The following MYCBP2 variants were observed in gnomAD, a reference collection of about 807,000 sequenced individuals.
MYCBP2 encodes the protein E3 ubiquitin-protein ligase MYCBP2.
A neutral mutation model predicts 525.3 loss-of-function variants in MYCBP2; 120 were observed. The ratio of observed to expected loss-of-function variants is 0.23; its 90% confidence interval spans 0.20 to 0.27. The LOEUF (loss-of-function observed/expected upper bound fraction) is 0.27. Among genes scored for constraint, MYCBP2 ranks in the 10% least tolerant of loss-of-function variants. MYCBP2 has a pLI of 1.00. For synonymous variants in MYCBP2, 1,894 were observed against 1,955.8 expected (o/e 0.97, Z 0.83); for missense variants, 4,149 against 5,657.1 (o/e 0.73, Z 8.55).
In MYCBP2 at chr13:77,098,846, G is replaced by A. The variant is rs764807808; in HGVS notation, c.8308C>T (p.Leu2770Phe). The A allele has an allele frequency of 6.2e-6, 10 of 1,613,534 alleles. No individual in the cohort carries two copies. The highest frequency in any genetic ancestry group is 2.2e-5 in the South Asian group (2 of 91,078). Residue 2770 changes from leucine (L) to phenylalanine (F), a missense_variant, in exon 56 of 83, where the codon CTC (leucine) becomes TTC (phenylalanine). Transcript: ENST00000544440. ...GTESLSASES[L>F]ILKSDAAKLR... ...TTTGCAGCATCAGATTTTAAGATGA[G>A]GGATTCACTAGCAGATAAACTTTCT...
intron 73 of MYCBP2, among the ~76,000 whole-genome samples, chr13:77,063,487 G>A (rs1194900462): frequency 6.7e-6 from 1 of 148,630 alleles, no homozygotes; most frequent in Non-Finnish European, 1.5e-5. Context: ...TGTACCTGCA[G>A]GCGGAGGCTG....
At chr13:77,261,033 G>T in intron 12 of MYCBP2, 138 bp downstream of exon 12, 1 of 638,320 alleles carries the variant, frequency 1.6e-6, no homozygotes, top group Non-Finnish European at 2.6e-6. Flanking sequence ...TTATTAAGCA[G>T]TTACATCAAG....
intron 57 of MYCBP2, among the ~76,000 whole-genome samples, 188 bp downstream of exon 57, chr13:77,096,124 A>G (rs771084996): frequency 3.9e-5 from 6 of 152,138 alleles, no homozygotes; most frequent in African/African-American, 1.2e-4. Context: ...TCCAATATAT[A>G]GTTAATTTTT....
intron 47 of MYCBP2, among the ~76,000 whole-genome samples, chr13:77,147,341 A>T (rs7987716): frequency 0.028 from 4,320 of 152,192 alleles, 220 homozygotes; most frequent in African/African-American, 0.097. Flanking sequence ...TAATAAAAAA[A>T]TAACAAAATG....
At chr13:77,170,141 G>A (rs370137023) in intron 38 of MYCBP2, among the ~76,000 whole-genome samples, 82 of 152,160 alleles carry the variant, frequency 5.4e-4, no homozygotes, top group African/African-American at 1.8e-3. Flanking sequence ...GTTCACAACA[G>A]TATTCCTCTC....
Position 77,294,131 on chromosome 13 carries a change from C to CATATATATATATATACATAT in MYCBP2, c.378+2467_378+2468insATATGTATATATATATATAT. Among the ~76,000 whole-genome samples, 26 of 65,712 alleles carry CATATATATATATATACATAT rather than the reference C, an allele frequency of 4.0e-4. No individual in the cohort carries two copies. The East Asian group carries it at 9.6e-3, about 24-fold the overall frequency. The allele number at this position is 65,712 out of a possible 152,430, so 43.1% of individuals were successfully genotyped here. A position where few individuals can be genotyped will look rare whatever the true frequency, so the allele number is the denominator to read the frequency against. ...ATATATATATATATATATATATATA[C>CATATATATATATATACATAT]ATATATATATACATATATATAAAAT... On this transcript the variant is annotated intron_variant, in intron 2 of 82. Transcript: ENST00000544440.
intron 55 of MYCBP2, among the ~76,000 whole-genome samples, chr13:77,104,556 A>G (rs2047568667): frequency 6.6e-6 from 1 of 152,130 alleles, no homozygotes. Flanking sequence ...AGAAGAGGCC[A>G]AAGCCCTAGG....
At chr13:77,071,473 G>A (rs536314189) in intron 68 of MYCBP2, among the ~76,000 whole-genome samples, 51 of 152,070 alleles carry the variant, frequency 3.4e-4, no homozygotes, top group South Asian at 1.7e-3. Flanking sequence ...TGTCCCTTTC[G>A]CCCTAACAAT....
chr13:77,169,974 T>C (rs2058982043), intron 38 of MYCBP2, among the ~76,000 whole-genome samples: 1 of 152,174 alleles, frequency 6.6e-6, no homozygotes, highest in African/African-American at 2.4e-5. Context: ...TTTAAGTATC[T>C]TACCCAAAAT....
Position 77,225,520 on chromosome 13 carries a change from G to C in MYCBP2, c.2772C>G (p.Ser924Arg). The C allele has an allele frequency of 6.2e-7, 1 of 1,613,586 alleles. No homozygotes were observed. Among genetic ancestry groups the C allele is most frequent in the Non-Finnish European group, 8.5e-7 (1 of 1,179,642 alleles). ...GSGERGEKDA[S>R]KITTYPPGSV... The stretch of plus-strand genomic sequence containing the variant: ...AGCCTGGAGGGTATGTTGTGATTTT[G>C]CTTGCATCCTTTTCGCCTCTTTCTC... The change falls in exon 19 of 83, where the codon AGC becomes AGG. Residue 924 changes from serine to arginine, a missense_variant. Coordinates refer to ENST00000544440, the MANE Select transcript of MYCBP2 (RefSeq NM_015057.5).
chr13:77,122,069 C>T (rs1205422879), intron 54 of MYCBP2, among the ~76,000 whole-genome samples: 3 of 151,728 alleles, frequency 2.0e-5, no homozygotes, highest in African/African-American at 4.8e-5. Flanking sequence ...TAATCAGAGT[C>T]TATAAATGTA....
At chr13:77,208,994 T>C (rs916516558) in intron 23 of MYCBP2, among the ~76,000 whole-genome samples, 3 of 152,156 alleles carry the variant, frequency 2.0e-5, no homozygotes, top group African/African-American at 2.4e-5. Context: ...GCAATGCATA[T>C]GATAATTATA....
intron 2 of MYCBP2, among the ~76,000 whole-genome samples, chr13:77,291,449 G>A (rs906680180): frequency 6.6e-6 from 1 of 152,094 alleles, no homozygotes; most frequent in Non-Finnish European, 1.5e-5. Flanking sequence ...CAACCACTTT[G>A]GAAAAGAGTT....
intron 32 of MYCBP2, among the ~76,000 whole-genome samples, chr13:77,182,540 C>T (rs1168320194): frequency 6.6e-6 from 1 of 152,164 alleles, no homozygotes; most frequent in Non-Finnish European, 1.5e-5. Context: ...GAGTAACATT[C>T]CATATGTTAA....
chr13:77,137,819 G>C (rs2053993238), intron 52 of MYCBP2, among the ~76,000 whole-genome samples: 1 of 152,054 alleles, frequency 6.6e-6, no homozygotes, highest in Non-Finnish European at 1.5e-5. Flanking sequence ...CCTGACCTCA[G>C]GTGATCCACT....
intron 42 of MYCBP2, 59 bp from the exon 43 acceptor site, chr13:77,164,600 C>G (rs1424251136): frequency 1.0e-6 from 1 of 994,868 alleles, no homozygotes; most frequent in Non-Finnish European, 1.6e-6. Context: ...TACGGATTAT[C>G]AACAAAATGT....
intron 1 of MYCBP2, among the ~76,000 whole-genome samples, chr13:77,296,882 T>C (rs1474619916): frequency 6.6e-6 from 1 of 152,160 alleles, no homozygotes; most frequent in East Asian, 1.9e-4. Context: ...CTAAGCAATA[T>C]ACAATATATA....
At chr13:77,299,207 T>C (rs78097360) in intron 1 of MYCBP2, among the ~76,000 whole-genome samples, 1,753 of 152,280 alleles carry the variant, frequency 0.012, 34 homozygotes, top group African/African-American at 0.039. Context: ...AGACAAGTTA[T>C]AACTGACTCA....
intron 3 of MYCBP2, among the ~76,000 whole-genome samples, chr13:77,283,322 A>C (rs2076392277): frequency 6.6e-6 from 1 of 152,098 alleles, no homozygotes; most frequent in South Asian, 2.1e-4. Flanking sequence ...TCCTTTCTCT[A>C]ACGTGTTCCA....
Sources: gnomAD v4.1 joint callset for allele counts (sites outside exome capture counted in the v4.1 genomes callset) on GRCh38, gnomAD v4.1.1 for gene constraint, MANE v1.5 for transcripts, NCBI Gene and HGNC (gene_info 2026-07-23, HGNC 2026-07-21) for gene names.